Variants in ZFHX4 observed in about 807,000 individuals in gnomAD.
ZFHX4 encodes the protein zinc finger homeobox 4, also known as zinc finger homeobox protein 4.
In ZFHX4, 56 loss-of-function variants were observed where a neutral mutation model predicts 267.6. That is an observed-to-expected ratio of 0.21 (90% confidence interval 0.17 to 0.26). The LOEUF (loss-of-function observed/expected upper bound fraction) is 0.26, where lower values mean the gene tolerates loss of function less well. ZFHX4 is among the 10% of genes least tolerant of loss of function. The pLI, the probability that ZFHX4 is intolerant of heterozygous loss-of-function variation, is 1.00. For synonymous variants in ZFHX4, 1,778 were observed against 1,665.6 expected, an observed-to-expected ratio of 1.07 and a Z score of -1.64; for missense variants, 4,332 against 4,420.0, an observed-to-expected ratio of 0.98 and a Z score of 0.56.
chr8:76,765,034 A>G (rs1023453373), intron 3 of ZFHX4, among the ~76,000 whole-genome samples: 1 of 152,158 alleles, frequency 6.6e-6, no homozygotes, highest in Non-Finnish European at 1.5e-5. Context: ...CCAGTTTTCA[A>G]TCTCGTAAAA....
In ZFHX4 at chr8:76,863,209, A is replaced by G; in HGVS notation, c.9495A>G (p.Pro3165=). The change falls in exon 11 of 11, where the codon CCA becomes CCG. Residue 3165 remains proline (P), a synonymous_variant. Transcript: ENST00000651372. ...CTTTGCTGCAGACTCCACCACCTCC[A>G]CCACCTCCTCCTCCTCCTCCTCCTT... is the stretch of plus-strand genomic sequence containing the variant. ...TKPLLQTPPP[P]PPPPPPPPSS... 6.4e-7 allele frequency: 1 copy of G among 1,573,204 alleles called. No homozygotes were observed. Among genetic ancestry groups the G allele is most frequent in the Non-Finnish European group, 8.6e-7 (1 of 1,158,976 alleles).
chr8:76,820,258 T>C (rs1207537739), intron 4 of ZFHX4, among the ~76,000 whole-genome samples: 1 of 152,200 alleles, frequency 6.6e-6, no homozygotes, highest in Non-Finnish European at 1.5e-5. Flanking sequence ...CAAACACACT[T>C]TTTATTTTTT....
At chr8:76,842,579 GT>G (rs1812262567) in intron 5 of ZFHX4, 75 bp from the exon 6 acceptor site, 13 of 1,022,314 alleles carry the variant, frequency 1.3e-5, no homozygotes, top group Admixed American at 2.6e-5. Flanking sequence ...AAGTTTTCAA[GT>G]GGCCACCTAG....
intron 1 of ZFHX4, among the ~76,000 whole-genome samples, chr8:76,693,854 C>G (rs1045459612): frequency 6.6e-5 from 10 of 152,172 alleles, no homozygotes; most frequent in African/African-American, 2.4e-4. Context: ...TGTTTAAGTG[C>G]TCACTGTCAA....
At chr8:76,732,058 T>C (rs1585891199) in intron 3 of ZFHX4, among the ~76,000 whole-genome samples, 1 of 151,978 alleles carries the variant, frequency 6.6e-6, no homozygotes, top group African/African-American at 2.4e-5. Flanking sequence ...GCCAGGCTGG[T>C]CTTGAACTCC....
Position 76,842,652 on chromosome 8 carries a change from C to T in ZFHX4, c.3395-3C>T. On this transcript the variant is annotated splice_region_variant and splice_polypyrimidine_tract_variant and intron_variant, in intron 5 of 10. Coordinates refer to ENST00000651372, the MANE Select transcript of ZFHX4 (RefSeq NM_024721.5). ...CTACTGATTGGTCTGCCTTTCTTAA[C>T]AGAAGAACAAAGTGAGGAGGCAGAA... The T allele has an allele frequency of 6.5e-7, 1 of 1,547,566 alleles. No individual in the cohort carries two copies. Among genetic ancestry groups the T allele is most frequent in the Non-Finnish European group, 8.7e-7 (1 of 1,144,292 alleles).
At chr8:76,862,798 T>C (rs942688017) in intron 10 of ZFHX4, among the ~76,000 whole-genome samples, 12 of 152,204 alleles carry the variant, frequency 7.9e-5, no homozygotes, top group Admixed American at 6.5e-5. Context: ...ATGATGTTTT[T>C]TGTTATTCAT....
chr8:76,751,353 G>T (rs1014140619), intron 3 of ZFHX4, among the ~76,000 whole-genome samples: 1 of 152,118 alleles, frequency 6.6e-6, no homozygotes, highest in Admixed American at 6.6e-5. Context: ...AATTTATTAG[G>T]CTTAAAAGCC....
At chr8:76,816,612 T>TC (rs1291785271) in intron 4 of ZFHX4, among the ~76,000 whole-genome samples, 1 of 146,732 alleles carries the variant, frequency 6.8e-6, no homozygotes, top group Non-Finnish European at 1.5e-5. Flanking sequence ...TTTTTTTTTT[T>TC]GAGACAGAGT....
intron 10 of ZFHX4, among the ~76,000 whole-genome samples, chr8:76,856,531 T>C (rs1158436433): frequency 6.6e-6 from 1 of 152,176 alleles, no homozygotes; most frequent in Non-Finnish European, 1.5e-5. Flanking sequence ...TTCTCAGATA[T>C]ATATTAATTA....
rs1368137311 is a variant in ZFHX4 at position 76,850,748 on chromosome 8, T to C, written c.3965-138T>C. 3 of 1,058,956 alleles carry C rather than the reference T, an allele frequency of 2.8e-6. No individual in the cohort carries two copies. The East Asian group carries it at 8.1e-5, about 29-fold the overall frequency. 65.6% of individuals were successfully genotyped at this position (1,058,956 alleles called of 1,614,324 possible). ...AGTACCCAGTCCAGTGCTTGCCACA[T>C]AGTAGTTGCTCAGTAAACATTTATT... is the stretch of plus-strand genomic sequence containing the variant. On this transcript the variant is annotated intron_variant, in intron 9 of 10. Transcript: ENST00000651372.
intron 6 of ZFHX4, among the ~76,000 whole-genome samples, chr8:76,845,838 T>C (rs552983832): frequency 3.3e-5 from 5 of 152,162 alleles, no homozygotes; most frequent in African/African-American, 1.2e-4. Context: ...TTTTTTCATC[T>C]ATTTGGCAGT....
intron 5 of ZFHX4, among the ~76,000 whole-genome samples, chr8:76,835,251 A>ATGTG (rs1289035835): frequency 2.4e-5 from 2 of 82,628 alleles, no homozygotes; most frequent in South Asian, 6.5e-4. Context: ...GTATATATAT[A>ATGTG]TATATATATT....
In ZFHX4 at chr8:76,854,926, G is replaced by A. The variant is rs1368687419; in HGVS notation, c.8005G>A (p.Gly2669Ser). 6.2e-7 allele frequency: 1 copy of A among 1,613,820 alleles called. No homozygotes were observed. The highest frequency in any genetic ancestry group is 2.2e-5 in the East Asian group (1 of 44,848). The change falls in exon 10 of 11, where the codon GGT becomes AGT. Residue 2669 changes from glycine to serine, a missense_variant. Coordinates refer to ENST00000651372, the MANE Select transcript of ZFHX4 (RefSeq NM_024721.5). ...RERKGQFRAV[G>S]PAQSHKRCPF... Reference sequence around the variant, plus strand: ...GAGGAAAGGCCAGTTCCGGGCGGTGGGTCCAGCACAGTCTCATAAACGGTG... The same window carrying A: ...GAGGAAAGGCCAGTTCCGGGCGGTGAGTCCAGCACAGTCTCATAAACGGTG...
intron 3 of ZFHX4, among the ~76,000 whole-genome samples, chr8:76,731,545 T>C (rs1325881154): frequency 6.6e-6 from 1 of 152,136 alleles, no homozygotes; most frequent in East Asian, 1.9e-4. Flanking sequence ...AGTGAGTACA[T>C]GGGTTTGAGT....
At chr8:76,862,203 A>G (rs1473004915) in intron 10 of ZFHX4, among the ~76,000 whole-genome samples, 1 of 152,196 alleles carries the variant, frequency 6.6e-6, no homozygotes, top group Non-Finnish European at 1.5e-5. Flanking sequence ...GGTACTTGAA[A>G]CAAAGCAAAG....
intron 3 of ZFHX4, among the ~76,000 whole-genome samples, chr8:76,754,137 T>C (rs1031532044): frequency 6.6e-6 from 1 of 152,180 alleles, no homozygotes; most frequent in African/African-American, 2.4e-5. Flanking sequence ...CTTAGGAACA[T>C]ATTTGTTTAC....
At chr8:76,834,247 T>C (rs1812012836) in intron 5 of ZFHX4, 2 of 324,944 alleles carry the variant, frequency 6.2e-6, no homozygotes, top group East Asian at 8.0e-5. Context: ...CTTTGATAAA[T>C]GCCAAGGAGT....
intron 3 of ZFHX4, among the ~76,000 whole-genome samples, chr8:76,769,062 C>T (rs1012164901): frequency 6.6e-6 from 1 of 152,058 alleles, no homozygotes; most frequent in Non-Finnish European, 1.5e-5. Flanking sequence ...TGTGCCACTG[C>T]ACTCCAGCCT....
Sources: gnomAD v4.1 joint callset for allele counts (sites outside exome capture counted in the v4.1 genomes callset) on GRCh38, gnomAD v4.1.1 for gene constraint, MANE v1.5 for transcripts, NCBI Gene and HGNC (gene_info 2026-07-23, HGNC 2026-07-21) for gene names.